The following LSAMP variants were observed in gnomAD, a reference collection of about 807,000 sequenced individuals.
LSAMP encodes limbic system-associated membrane protein.
In LSAMP, 7 loss-of-function variants were observed where a neutral mutation model predicts 38.6. The observed-to-expected ratio is 0.18, with a 90% CI of 0.10 to 0.34. LSAMP has a LOEUF of 0.34. LSAMP is among the 10% of genes least tolerant of loss of function. The probability of loss-of-function intolerance (pLI) is 1.00; values close to 1 mark genes in which losing one functional copy is unlikely to be tolerated. For synonymous variants in LSAMP, 154 were observed against 166.8 expected (o/e 0.92, Z 0.59); for missense variants, 313 against 420.0 (o/e 0.75, Z 2.23).
In LSAMP at chr3:116,348,164, A is replaced by G. The variant is rs531772624; in HGVS notation, c.155+96713T>C. On this transcript the variant is annotated intron_variant, in intron 1 of 6. Coordinates refer to ENST00000490035, the MANE Select transcript of LSAMP (RefSeq NM_002338.5). ...AGAAATTATTCACGATAGGTTGGCA[A>G]TTTTACAATTGAATAAATTTGGTCT... Among the ~76,000 whole-genome samples, 4 of 152,200 alleles carry G rather than the reference A, an allele frequency of 2.6e-5. No individual in the cohort carries two copies. The South Asian group carries it at 8.3e-4, about 32-fold the overall frequency.
chr3:116,427,121 T>C (rs1390639145), intron 1 of LSAMP, among the ~76,000 whole-genome samples: 2 of 142,212 alleles, frequency 1.4e-5, no homozygotes, highest in South Asian at 2.3e-4. Context: ...TTTTTTTTTT[T>C]TTTTTTTTTT....
chr3:116,335,409 C>T (rs1454651544), intron 1 of LSAMP, among the ~76,000 whole-genome samples: 2 of 151,922 alleles, frequency 1.3e-5, no homozygotes, highest in Admixed American at 6.6e-5. Flanking sequence ...ATAGTCAAAA[C>T]AATATTTAAA....
chr3:115,898,324 A>G (rs114450610), intron 3 of LSAMP, among the ~76,000 whole-genome samples: 2,398 of 152,192 alleles, frequency 0.016, 39 homozygotes, highest in Non-Finnish European at 0.028. Flanking sequence ...GATAAAGACA[A>G]TGTGTTCTCC....
intron 2 of LSAMP, among the ~76,000 whole-genome samples, chr3:116,041,504 A>T (rs1291870295): frequency 1.3e-5 from 2 of 151,730 alleles, no homozygotes; most frequent in East Asian, 3.9e-4. Context: ...CAAGTAAATG[A>T]TTGAACTGAG....
intron 1 of LSAMP, among the ~76,000 whole-genome samples, chr3:116,298,749 T>A (rs2047368642): frequency 6.6e-6 from 1 of 152,212 alleles, no homozygotes; most frequent in Non-Finnish European, 1.5e-5. Context: ...AAGTTGGGCT[T>A]AATTAAGCAC....
At chr3:116,023,615 A>C (rs1200082303) in intron 2 of LSAMP, among the ~76,000 whole-genome samples, 4 of 151,900 alleles carry the variant, frequency 2.6e-5, no homozygotes, top group Admixed American at 6.6e-5. Flanking sequence ...AAAAAAAAAA[A>C]AAAAAAAAAC....
chr3:116,347,849 C>A (rs914201632), intron 1 of LSAMP, among the ~76,000 whole-genome samples: 1 of 151,254 alleles, frequency 6.6e-6, no homozygotes, highest in African/African-American at 2.4e-5. Flanking sequence ...AGAAAAATAT[C>A]GAATGAGAAA....
intron 3 of LSAMP, among the ~76,000 whole-genome samples, chr3:115,923,373 C>A (rs1937426575): frequency 6.6e-6 from 1 of 152,164 alleles, no homozygotes; most frequent in South Asian, 2.1e-4. Context: ...TTCTTCTTGA[C>A]CATTTGAGTG....
At chr3:116,086,591 C>T in intron 1 of LSAMP, 35 bp from the exon 2 acceptor site, 1 of 1,525,110 alleles carries the variant, frequency 6.6e-7, no homozygotes, top group South Asian at 1.1e-5. Context: ...AGTGCCTTAA[C>T]AACAACTATT....
intron 1 of LSAMP, among the ~76,000 whole-genome samples, chr3:116,398,422 C>T (rs1450403089): frequency 5.3e-5 from 8 of 152,034 alleles, no homozygotes; most frequent in South Asian, 4.2e-4. Flanking sequence ...TATCTGGCTC[C>T]GTAGGTATTC....
chr3:116,384,899 A>C (rs1329531265), intron 1 of LSAMP, among the ~76,000 whole-genome samples: 4 of 152,088 alleles, frequency 2.6e-5, no homozygotes, highest in Non-Finnish European at 5.9e-5. Flanking sequence ...TCCCTTTCTT[A>C]CCTTTCACTT....
chr3:116,011,756 T>C (rs1940333044), intron 3 of LSAMP, among the ~76,000 whole-genome samples: 1 of 152,116 alleles, frequency 6.6e-6, no homozygotes, highest in Non-Finnish European at 1.5e-5. Flanking sequence ...AATTAATCAT[T>C]GCTGGGGCAA....
At chr3:116,424,098 C>G (rs891876556) in intron 1 of LSAMP, among the ~76,000 whole-genome samples, 17 of 152,136 alleles carry the variant, frequency 1.1e-4, no homozygotes, top group Admixed American at 1.1e-3. Flanking sequence ...TCCTGTGGCC[C>G]TTTGACTTCA....
chr3:116,171,057 C>T (rs1710185985), intron 1 of LSAMP, among the ~76,000 whole-genome samples: 1 of 152,034 alleles, frequency 6.6e-6, no homozygotes, highest in African/African-American at 2.4e-5. Flanking sequence ...GTTTGAATTC[C>T]AGCATTGTGC....
intron 1 of LSAMP, among the ~76,000 whole-genome samples, chr3:116,121,387 T>A (rs894729163): frequency 6.6e-6 from 1 of 151,924 alleles, no homozygotes; most frequent in African/African-American, 2.4e-5. Flanking sequence ...CGGAGTATAG[T>A]GGGATGTTTT....
intron 1 of LSAMP, among the ~76,000 whole-genome samples, chr3:116,295,930 C>A (rs944749874): frequency 5.3e-5 from 8 of 152,112 alleles, no homozygotes; most frequent in Non-Finnish European, 8.8e-5. Flanking sequence ...AATTTATGTA[C>A]TTGCTTGTAT....
intron 3 of LSAMP, among the ~76,000 whole-genome samples, chr3:115,875,292 T>A (rs183778424): frequency 6.6e-6 from 1 of 152,268 alleles, no homozygotes; most frequent in African/African-American, 2.4e-5. Context: ...ACTTCCTGAA[T>A]AAGATTTTCC....
At chr3:115,892,344 C>T (rs556538110) in intron 3 of LSAMP, among the ~76,000 whole-genome samples, 8 of 152,074 alleles carry the variant, frequency 5.3e-5, no homozygotes, top group Admixed American at 2.0e-4. Flanking sequence ...AAATAGAAAC[C>T]ACCCAATGTT....
Position 116,044,260 on chromosome 3 carries a change from C to T in LSAMP, c.389-24620G>A, listed in dbSNP as rs527414586. 7.9e-5 allele frequency among the ~76,000 whole-genome samples: 12 copies of T among 152,306 alleles called. 1 individual carries two copies. In the South Asian group the frequency reaches 2.5e-3, roughly 32 times the overall value. On this transcript the variant is annotated intron_variant, in intron 2 of 6. Transcript: ENST00000490035. ...ATTGATGTATCAAAATTTCTGAAAG[C>T]TCAGCGTTATTTCCCCTTGCCCAAA...
Sources: gnomAD v4.1 joint callset for allele counts (sites outside exome capture counted in the v4.1 genomes callset) on GRCh38, gnomAD v4.1.1 for gene constraint, MANE v1.5 for transcripts, NCBI Gene and HGNC (gene_info 2026-07-23, HGNC 2026-07-21) for gene names.